The following ABCA12 variants were observed in gnomAD, a reference collection of about 807,000 sequenced individuals.
ABCA12 encodes glucosylceramide transporter ABCA12.
A neutral mutation model predicts 293.5 loss-of-function variants in ABCA12; 156 were observed. The ratio of observed to expected loss-of-function variants is 0.53; its 90% CI spans 0.47 to 0.61. The LOEUF (loss-of-function observed/expected upper bound fraction) is 0.61. Among genes scored for constraint, ABCA12 ranks in the 20% least tolerant of loss-of-function variants. The pLI is 0.00. For synonymous variants in ABCA12, 1,063 were observed against 1,108.0 expected, an observed-to-expected ratio of 0.96 and a Z score of 0.81; for missense variants, 2,797 against 3,090.2, an observed-to-expected ratio of 0.91 and a Z score of 2.25.
At chr2:214,983,124 G>A (rs1487174785) in intron 29 of ABCA12, among the ~76,000 whole-genome samples, 1 of 152,186 alleles carries the variant, frequency 6.6e-6, no homozygotes, top group African/African-American at 2.4e-5. Flanking sequence ...GCCTTGAGCA[G>A]AGTGAATGTG....
chr2:215,125,201 T>C (rs1165983554), intron 1 of ABCA12, among the ~76,000 whole-genome samples: 1 of 152,204 alleles, frequency 6.6e-6, no homozygotes, highest in African/African-American at 2.4e-5. Context: ...TTTTGGTGAC[T>C]ATGGCCTTAT....
rs556681403 is a variant in ABCA12, at chr2:214,998,454, G to A, written c.3180-645C>T. 7.2e-5 allele frequency among the ~76,000 whole-genome samples: 11 copies of A among 152,190 alleles called. 1 individual carries two copies. Among genetic ancestry groups the A allele is most frequent in the African/African-American group, 1.4e-4 (6 of 41,530 alleles). ...ATTACAGGCATGAGTCACTGTGCCT[G>A]GCCCAAAGCATTTGATTTAAAATGC... On this transcript the variant is annotated intron_variant, in intron 22 of 52. Transcript: ENST00000272895.
chr2:214,986,432 G>A, intron 28 of ABCA12, 110 bp downstream of exon 28: 1 of 1,088,844 alleles, frequency 9.2e-7, no homozygotes, highest in Non-Finnish European at 1.4e-6. Flanking sequence ...TCCTCCATCT[G>A]GGAAATGTAA....
chr2:215,026,976 T>G (rs773092952), intron 9 of ABCA12, 38 bp from the exon 10 acceptor site: 21 of 1,447,936 alleles, frequency 1.5e-5, no homozygotes, highest in Non-Finnish European at 2.0e-5. Flanking sequence ...TTAAGACATA[T>G]AAAAGTAAAG....
At chr2:215,052,695 G>A in intron 4 of ABCA12, 111 bp from the exon 5 acceptor site, 1 of 922,712 alleles carries the variant, frequency 1.1e-6, no homozygotes. Flanking sequence ...CTACAGCAAG[G>A]ATGTGCTCAA....
At chr2:215,040,738 A>G (rs4264564) in intron 7 of ABCA12, among the ~76,000 whole-genome samples, 53,827 of 152,000 alleles carry the variant, frequency 0.35, 12,702 homozygotes, top group African/African-American at 0.68. Context: ...CTTGAATCCA[A>G]GAGGTGGAGG....
intron 3 of ABCA12, among the ~76,000 whole-genome samples, chr2:215,056,432 A>T (rs1338616976): frequency 6.6e-6 from 1 of 152,138 alleles, no homozygotes; most frequent in Non-Finnish European, 1.5e-5. Flanking sequence ...AAGGACGCAC[A>T]GCAGCTCCCA....
In ABCA12 at chr2:214,996,007, T is replaced by C. The variant is rs558125440; in HGVS notation, c.3294+1688A>G. On this transcript the variant is annotated intron_variant, in intron 23 of 52. Coordinates refer to ENST00000272895, the MANE Select transcript of ABCA12 (RefSeq NM_173076.3). ...GCCCGAGTGTATATGGCTGGTAGAA[T>C]TGGAATACAAAACCTGATATTCTGA... 2.2e-4 allele frequency among the ~76,000 whole-genome samples: 33 copies of C among 152,234 alleles called. 1 individual carries two copies. In the South Asian group the frequency reaches 5.8e-3, roughly 27 times the overall value.
At position 215,019,790 on chromosome 2, in the gene ABCA12, G is replaced by C; in HGVS notation, c.1294C>G (p.Gln432Glu). ...AGAAGTTCGGTCAAGTTTCGAAGTT[G>C]AGACAGCTTTCCAAAAAGGGAAAAG... Reference protein sequence around the residue: ...VPEVLKSKLSQLRNLTELLCE... With the variant: ...VPEVLKSKLSELRNLTELLCE... Residue 432 changes from glutamine (Q) to glutamate (E), a missense_variant, in exon 12 of 53, where the codon CAA (glutamine) becomes GAA (glutamate). Physicochemically the swap from Gln to Glu is conservative, Grantham distance 29. Transcript: ENST00000272895. The C allele has an allele frequency of 6.2e-7, 1 of 1,611,480 alleles. No individual in the cohort carries two copies. The highest frequency in any genetic ancestry group is 8.5e-7 in the Non-Finnish European group (1 of 1,180,010).
chr2:214,982,779 G>T (rs1699696876), intron 29 of ABCA12, among the ~76,000 whole-genome samples: 2 of 152,144 alleles, frequency 1.3e-5, no homozygotes, highest in Non-Finnish European at 1.5e-5. Flanking sequence ...TTATGTTCTA[G>T]TAAGTGTGTG....
chr2:214,970,678 C>T (rs1002241600), intron 36 of ABCA12, among the ~76,000 whole-genome samples: 12 of 152,040 alleles, frequency 7.9e-5, no homozygotes, highest in African/African-American at 2.9e-4. Flanking sequence ...GTGATATTTC[C>T]TTCACTGTGC....
intron 2 of ABCA12, among the ~76,000 whole-genome samples, chr2:215,078,599 A>G (rs1354423013): frequency 6.6e-6 from 1 of 152,202 alleles, no homozygotes; most frequent in Non-Finnish European, 1.5e-5. Context: ...TACACCCACA[A>G]TGGAGAATCA....
chr2:214,939,892 G>A (rs2372430), intron 50 of ABCA12, among the ~76,000 whole-genome samples: 79,120 of 152,012 alleles, frequency 0.52, 21,772 homozygotes, highest in African/African-American at 0.72. Flanking sequence ...TAAAAATACA[G>A]TCACGTCACC....
intron 3 of ABCA12, among the ~76,000 whole-genome samples, chr2:215,057,704 G>T (rs1162531891): frequency 6.6e-6 from 1 of 152,050 alleles, no homozygotes; most frequent in Non-Finnish European, 1.5e-5. Context: ...TTGGCAGATA[G>T]TAGGATGTTT....
At chr2:215,038,444 A>C (rs576892778) in intron 7 of ABCA12, among the ~76,000 whole-genome samples, 45 of 152,230 alleles carry the variant, frequency 3.0e-4, no homozygotes, top group Non-Finnish European at 5.3e-4. Context: ...GGTGGGGAGG[A>C]GGAGGGCAGA....
intron 20 of ABCA12, among the ~76,000 whole-genome samples, chr2:215,003,904 G>A (rs528457243): frequency 6.6e-6 from 1 of 152,296 alleles, no homozygotes; most frequent in South Asian, 2.1e-4. Flanking sequence ...CTGACTTCAA[G>A]TGATCTGCCC....
chr2:214,990,712 T>A lies in ABCA12; in HGVS notation c.3614A>T (p.Lys1205Ile), dbSNP rs771767653. Residue 1205 changes from lysine to isoleucine, a missense_variant, in exon 24 of 53, where the codon AAA becomes ATA. Lys to Ile is a moderately radical substitution (Grantham distance 102, BLOSUM62 -3). Coordinates refer to ENST00000272895, the MANE Select transcript of ABCA12 (RefSeq NM_173076.3). ...CAACGGTTGACTTACCATGAACACTTTCAATACATAGCTCAACTCATTCTC... is the reference window on the plus strand; with the variant it reads ...CAACGGTTGACTTACCATGAACACTATCAATACATAGCTCAACTCATTCTC... ...TVENELSYVL[K>I]VFMSLLSPTA... 3 of 1,613,902 alleles carry A rather than the reference T, an allele frequency of 1.9e-6. No individual in the cohort carries two copies. The highest frequency in any genetic ancestry group is 2.5e-6 in the Non-Finnish European group (3 of 1,179,926).
chr2:215,041,042 A>G (rs980659530), intron 7 of ABCA12, among the ~76,000 whole-genome samples: 3 of 152,146 alleles, frequency 2.0e-5, no homozygotes, highest in African/African-American at 7.2e-5. Flanking sequence ...AATACAAAAA[A>G]TTTGTTAAGC....
chr2:215,079,273 G>A (rs369911609), intron 2 of ABCA12, among the ~76,000 whole-genome samples: 2 of 152,300 alleles, frequency 1.3e-5, no homozygotes, highest in East Asian at 3.9e-4. Context: ...GTAGACAGTG[G>A]TGGATTTCTT....
Sources: gnomAD v4.1 joint callset for allele counts (sites outside exome capture counted in the v4.1 genomes callset) on GRCh38, gnomAD v4.1.1 for gene constraint, MANE v1.5 for transcripts, NCBI Gene and HGNC (gene_info 2026-07-23, HGNC 2026-07-21) for gene names.